Variants in ATG16L1 observed in about 807,000 individuals in gnomAD.
The protein encoded by ATG16L1 is autophagy related 16 like 1.
In ATG16L1, 37 loss-of-function variants were observed where a neutral mutation model predicts 88.5. The ratio of observed to expected loss-of-function variants is 0.42; its 90% confidence interval spans 0.32 to 0.55. ATG16L1 has a LOEUF of 0.55. ATG16L1 is among the 20% of genes least tolerant of loss of function. ATG16L1 has a pLI of 0.13. For synonymous variants in ATG16L1, 301 were observed against 281.0 expected (o/e 1.07, Z -0.71); for missense variants, 554 against 752.8 (o/e 0.74, Z 3.09).
intron 1 of ATG16L1, among the ~76,000 whole-genome samples, chr2:233,253,782 G>A (rs925473771): frequency 6.6e-6 from 1 of 152,304 alleles, no homozygotes; most frequent in Non-Finnish European, 1.5e-5. Flanking sequence ...ATGCTTTGCT[G>A]TTCTAGGAGG....
At chr2:233,253,460 C>T (rs1696556119) in intron 1 of ATG16L1, among the ~76,000 whole-genome samples, 1 of 150,368 alleles carries the variant, frequency 6.7e-6, no homozygotes, top group South Asian at 2.1e-4. Context: ...ATCCTCCTGC[C>T]TCAGCCTCCC....
At chr2:233,286,643 T>TTG (rs1553608374) in intron 12 of ATG16L1, among the ~76,000 whole-genome samples, 4 of 138,956 alleles carry the variant, frequency 2.9e-5, no homozygotes, top group Non-Finnish European at 4.6e-5. Flanking sequence ...TTTTTTTTTT[T>TTG]GAGACAGTGT....
chr2:233,251,822 A>G lies in ATG16L1; in HGVS notation c.-6A>G. 1 of 1,549,648 alleles carries G rather than the reference A, an allele frequency of 6.5e-7. No homozygotes were observed. Among genetic ancestry groups the G allele is most frequent in the Non-Finnish European group, 8.7e-7 (1 of 1,146,702 alleles). ...GTGGCGCTGAGGTGCCGGGGCAGCAAGTGACATGTCGTCGGGCCTCCGCGC... is the reference window on the plus strand; with the variant it reads ...GTGGCGCTGAGGTGCCGGGGCAGCAGGTGACATGTCGTCGGGCCTCCGCGC... On this transcript the variant is annotated 5_prime_UTR_variant, in exon 1 of 18. Coordinates refer to ENST00000392017, the MANE Select transcript of ATG16L1 (RefSeq NM_030803.7).
At chr2:233,258,010 A>AC (rs1696920440) in intron 2 of ATG16L1, among the ~76,000 whole-genome samples, 1 of 121,162 alleles carries the variant, frequency 8.3e-6, no homozygotes, top group South Asian at 2.7e-4. Context: ...TCAAAAAAAA[A>AC]AAAAAAATAT....
chr2:233,263,943 T>C (rs759138480), intron 3 of ATG16L1, 49 bp from the exon 4 acceptor site: 8 of 1,581,612 alleles, frequency 5.1e-6, no homozygotes, highest in Non-Finnish European at 6.1e-6. Flanking sequence ...AGTTTCCAAA[T>C]GAGGTCCTAA....
At chr2:233,263,612 A>G (rs2125222942) in intron 3 of ATG16L1, among the ~76,000 whole-genome samples, 1 of 152,226 alleles carries the variant, frequency 6.6e-6, no homozygotes, top group East Asian at 1.9e-4. Context: ...AGAAAGAATC[A>G]AGTCCTAGGC....
chr2:233,262,914 A>G (rs1367416117), intron 2 of ATG16L1, among the ~76,000 whole-genome samples: 2 of 152,116 alleles, frequency 1.3e-5, no homozygotes, highest in African/African-American at 4.8e-5. Context: ...CCTGATGGTC[A>G]CAGTTGCTTT....
chr2:233,251,703 A>C lies in ATG16L1; in HGVS notation c.-125A>C. ...GTCCCGGATGGCCTCGGGGACTGCC[A>C]GTGTGTGGAGGTGAGCTCCGGGATT... On this transcript the variant is annotated 5_prime_UTR_variant, in exon 1 of 18. Transcript: ENST00000392017. 1 of 819,518 alleles carries C rather than the reference A, an allele frequency of 1.2e-6. No individual in the cohort carries two copies. Among genetic ancestry groups the C allele is most frequent in the Non-Finnish European group, 2.0e-6 (1 of 504,570 alleles). The allele number at this position is 819,518 out of a possible 1,614,324, so 50.8% of individuals were successfully genotyped here.
intron 12 of ATG16L1, among the ~76,000 whole-genome samples, chr2:233,287,335 G>A (rs774755076): frequency 6.6e-6 from 1 of 152,152 alleles, no homozygotes; most frequent in Non-Finnish European, 1.5e-5. Flanking sequence ...AGATTAACAT[G>A]TTCCTGTGAA....
chr2:233,285,612 T>G (rs1699020177), intron 12 of ATG16L1, among the ~76,000 whole-genome samples: 1 of 152,164 alleles, frequency 6.6e-6, no homozygotes, highest in South Asian at 2.1e-4. Context: ...TGTTACTTGG[T>G]AAATGTGTGA....
At position 233,274,722 on chromosome 2, in the gene ATG16L1, A is replaced by G. The variant is rs2241880; in HGVS notation, c.898A>G (p.Thr300Ala). The G allele has an allele frequency of 0.5, 797,369 of 1,609,114 alleles. 203,415 individuals are homozygous for G. The highest frequency in any genetic ancestry group is 0.53 in the Middle Eastern group (3,175 of 6,042). The change falls in exon 9 of 18, where the codon ACT becomes GCT. Residue 300 changes from threonine (T) to alanine (A), a missense_variant. Thr to Ala is a moderately conservative substitution (Grantham distance 58). Around this residue, in one of 5 missense-constraint regions of ATG16L1, gnomAD observed 370 missense variants for 509.7 expected, o/e 0.73. Coordinates refer to ENST00000392017, the MANE Select transcript of ATG16L1 (RefSeq NM_030803.7). ...SFPVPQDNVD[T>A]HPGSGKEVRV... ...CCCAGTCCCCCAGGACAATGTGGATACTCATCCTGGTTCTGGTAAAGAAGT... is the reference window on the plus strand; with the variant it reads ...CCCAGTCCCCCAGGACAATGTGGATGCTCATCCTGGTTCTGGTAAAGAAGT...
In ATG16L1 at chr2:233,295,094, A is replaced by G. The variant is rs11682236; in HGVS notation, c.*744A>G. The G allele has an allele frequency of 0.071, 10,796 of 152,580 alleles. 440 individuals are homozygous for G. Among genetic ancestry groups the G allele is most frequent in the South Asian group, 0.16 (748 of 4,816 alleles). The allele number at this position is 152,580 out of a possible 1,614,324, so 9.5% of individuals were successfully genotyped here. A position where few individuals can be genotyped will look rare whatever the true frequency, so the allele number is the denominator to read the frequency against. ...TGTGTTCCTGTATCGATCTGCAGAC[A>G]CCCAGAAGGTGGGTGCACACTGCAT... On this transcript the variant is annotated 3_prime_UTR_variant, in exon 18 of 18. Transcript: ENST00000392017.
Position 233,290,286 on chromosome 2 carries a change from A to G in ATG16L1, c.1363A>G (p.Ile455Val). 1 of 1,614,166 alleles carries G rather than the reference A, an allele frequency of 6.2e-7. No homozygotes were observed. Among genetic ancestry groups the G allele is most frequent in the East Asian group, 2.2e-5 (1 of 44,872 alleles). The change falls in exon 14 of 18, where the codon ATT (isoleucine) becomes GTT (valine). Residue 455 changes from isoleucine (I) to valine (V), a missense_variant. Physicochemically the swap from Ile to Val is conservative, Grantham distance 29. Coordinates refer to ENST00000392017, the MANE Select transcript of ATG16L1 (RefSeq NM_030803.7). Reference sequence around the variant, plus strand: ...GTTTGCAGGATCCAGTTGCAATGATATTGTCTGCACAGAGCAATGTGTAAT... The same window carrying G: ...GTTTGCAGGATCCAGTTGCAATGATGTTGTCTGCACAGAGCAATGTGTAAT... Reference protein sequence around the residue: ...TVFAGSSCNDIVCTEQCVMSG... With the variant: ...TVFAGSSCNDVVCTEQCVMSG...
chr2:233,284,099 C>T (rs1318056487), intron 12 of ATG16L1, among the ~76,000 whole-genome samples: 2 of 151,826 alleles, frequency 1.3e-5, no homozygotes, highest in Non-Finnish European at 2.9e-5. Flanking sequence ...CCACCTCGGC[C>T]TCCCAAAGTG....
chr2:233,260,564 CTG>C (rs1282334849), intron 2 of ATG16L1, among the ~76,000 whole-genome samples: 5 of 152,218 alleles, frequency 3.3e-5, no homozygotes, highest in African/African-American at 1.2e-4. Context: ...CTCCAGGAAT[CTG>C]TGCTTGAAAC....
intron 9 of ATG16L1, chr2:233,275,510 C>G: frequency 2.9e-6 from 1 of 347,314 alleles, no homozygotes; most frequent in East Asian, 7.5e-5. Context: ...AAGATTTTGC[C>G]GTAAAAATGG....
intron 16 of ATG16L1, 75 bp downstream of exon 16, chr2:233,292,509 A>T (rs1699528743): frequency 2.5e-6 from 4 of 1,588,894 alleles, no homozygotes; most frequent in Admixed American, 1.7e-5. Context: ...CACTGGGGAT[A>T]TAGAGCTAAA....
intron 9 of ATG16L1, 148 bp from the exon 10 acceptor site, chr2:233,277,420 G>A (rs1191887664): frequency 4.7e-6 from 3 of 641,908 alleles, no homozygotes; most frequent in Non-Finnish European, 8.4e-6. Flanking sequence ...TAGTTGACCT[G>A]GGCTAGGAGT....
Position 233,273,921 on chromosome 2 carries a change from T to G in ATG16L1, c.851+144T>G, listed in dbSNP as rs573781731. ...CTTAATATCAGCTTTTCATTTAGCT[T>G]CTTCCTTTTTTCCTCAACTTCCTTT... On this transcript the variant is annotated intron_variant, in intron 8 of 17. Coordinates refer to ENST00000392017, the MANE Select transcript of ATG16L1 (RefSeq NM_030803.7). The G allele has an allele frequency of 9.2e-5, 141 of 1,525,430 alleles. No homozygotes were observed. In the African/African-American group the frequency reaches 1.8e-3, roughly 20 times the overall value. 94.5% of individuals were successfully genotyped at this position (1,525,430 alleles called of 1,614,324 possible).
Sources: gnomAD v4.1 joint callset for allele counts (sites outside exome capture counted in the v4.1 genomes callset) on GRCh38, gnomAD v4.1.1 for gene constraint, gnomAD v4.1.1 regional missense constraint, MANE v1.5 for transcripts, NCBI Gene and HGNC (gene_info 2026-07-23, HGNC 2026-07-21) for gene names.